The following ZMYND8 variants were observed in gnomAD, a reference collection of about 807,000 sequenced individuals.
The protein encoded by ZMYND8 is zinc finger MYND-type containing 8.
Under a neutral mutation model 140.8 loss-of-function variants are expected in ZMYND8, and 37 were observed. The ratio of observed to expected loss-of-function variants is 0.26; its 90% CI spans 0.20 to 0.35. The LOEUF (loss-of-function observed/expected upper bound fraction) is 0.35. Among genes scored for constraint, ZMYND8 ranks in the 10% least tolerant of loss-of-function variants. ZMYND8 has a pLI of 1.00. For synonymous variants in ZMYND8, 592 were observed against 597.1 expected (o/e 0.99, Z 0.12); for missense variants, 1,068 against 1,570.0 (o/e 0.68, Z 5.40).
intron 12 of ZMYND8, among the ~76,000 whole-genome samples, chr20:47,256,243 G>T (rs1235763830): frequency 6.6e-6 from 1 of 152,042 alleles, no homozygotes; most frequent in Non-Finnish European, 1.5e-5. Context: ...ACTTTGGGAG[G>T]CTGAGGCAGG....
rs2078811009 is a variant in ZMYND8, at chr20:47,310,122, G to C, written c.168C>G (p.Asp56Glu). The part of the protein sequence containing the change: ...PHSSNGHSPQ[D>E]TSTSPIKKKK... ...TCTTTTTAATGGGGCTTGTTGATGT[G>C]TCCTGCGGCGAGTGGCCATTGGAAG... The change falls in exon 3 of 23, where the codon GAC becomes GAG. Residue 56 changes from aspartate to glutamate, a missense_variant. Transcript: ENST00000471951. 6.2e-7 allele frequency: 1 copy of C among 1,613,892 alleles called. No individual in the cohort carries two copies. Among genetic ancestry groups the C allele is most frequent in the Non-Finnish European group, 8.5e-7 (1 of 1,180,034 alleles).
At position 47,276,398 on chromosome 20, in the gene ZMYND8, C is replaced by T. The variant is rs370790149; in HGVS notation, c.1396G>A (p.Val466Met). Reference sequence around the variant, plus strand: ...GCCTTCTTCTCAGCATCCTGCTCCACGTCGGAGCCCGTGTGCACAGAAGAG... The same window carrying T: ...GCCTTCTTCTCAGCATCCTGCTCCATGTCGGAGCCCGTGTGCACAGAAGAG... ...TNSSVHTGSD[V>M]EQDAEKKATS... The change falls in exon 11 of 23, where the codon GTG (valine) becomes ATG (methionine). Residue 466 changes from valine (V) to methionine (M), a missense_variant. Val to Met is a conservative substitution (Grantham distance 21). This residue lies in a region of ZMYND8 where 173 missense variants were observed against 223.3 expected (regional missense o/e 0.77). Transcript: ENST00000471951. 23 of 1,610,594 alleles carry T rather than the reference C, an allele frequency of 1.4e-5. No individual in the cohort carries two copies. Among genetic ancestry groups the T allele is most frequent in the South Asian group, 2.2e-5 (2 of 91,028 alleles).
intron 19 of ZMYND8, among the ~76,000 whole-genome samples, chr20:47,223,823 T>C (rs1363173252): frequency 6.8e-6 from 1 of 146,874 alleles, no homozygotes; most frequent in Non-Finnish European, 1.5e-5. Context: ...CGAAACTCTG[T>C]CTCAAAAAAA....
At chr20:47,268,370 T>A (rs1276511501) in intron 11 of ZMYND8, among the ~76,000 whole-genome samples, 2 of 146,486 alleles carry the variant, frequency 1.4e-5, no homozygotes, top group Admixed American at 1.4e-4. Flanking sequence ...CTCGGCTCAC[T>A]GCAGGCTCCG....
At chr20:47,315,371 G>A (rs2079297984) in intron 2 of ZMYND8, among the ~76,000 whole-genome samples, 1 of 152,188 alleles carries the variant, frequency 6.6e-6, no homozygotes, top group Non-Finnish European at 1.5e-5. Context: ...TTCAGTGACT[G>A]TATCCAAGGG....
chr20:47,240,034 TGA>T (rs2039750568), intron 14 of ZMYND8, among the ~76,000 whole-genome samples: 1 of 149,812 alleles, frequency 6.7e-6, no homozygotes, highest in African/African-American at 2.5e-5. Flanking sequence ...GTCAGGATTT[TGA>T]GACCAGCCTG....
chr20:47,221,181 A>C, intron 20 of ZMYND8, 133 bp downstream of exon 20: 1 of 1,257,918 alleles, frequency 7.9e-7, no homozygotes, highest in Non-Finnish European at 1.1e-6. Context: ...CCACACATCC[A>C]CTGGAAATGC....
At chr20:47,327,011 AG>A (rs1301776655) in intron 2 of ZMYND8, among the ~76,000 whole-genome samples, 1 of 152,062 alleles carries the variant, frequency 6.6e-6, no homozygotes, top group Non-Finnish European at 1.5e-5. Context: ...GAGTTACGGG[AG>A]GGTCATTAAG....
At chr20:47,259,229 T>C (rs1383298559) in intron 12 of ZMYND8, among the ~76,000 whole-genome samples, 1 of 152,062 alleles carries the variant, frequency 6.6e-6, no homozygotes, top group Non-Finnish European at 1.5e-5. Context: ...AAGGAGGGTG[T>C]GAGAAAGCAA....
intron 1 of ZMYND8, chr20:47,348,256 T>C (rs2082493941): frequency 2.8e-6 from 1 of 354,070 alleles, no homozygotes; most frequent in Non-Finnish European, 5.4e-6. Context: ...ATAAACAAGC[T>C]TCTCATTGTT....
chr20:47,285,787 C>T (rs1010698144), intron 8 of ZMYND8: 2 of 984,828 alleles, frequency 2.0e-6, no homozygotes, highest in African/African-American at 3.5e-5. Context: ...TAATACTATA[C>T]AGCCATGAAA....
At chr20:47,344,447 T>C (rs1244146338) in intron 2 of ZMYND8, among the ~76,000 whole-genome samples, 3 of 152,076 alleles carry the variant, frequency 2.0e-5, no homozygotes, top group African/African-American at 7.2e-5. Context: ...ATCTACAAAA[T>C]ACCCGACCAG....
At chr20:47,240,721 A>AT (rs891515905) in intron 14 of ZMYND8, among the ~76,000 whole-genome samples, 15 of 150,096 alleles carry the variant, frequency 1.0e-4, no homozygotes, top group African/African-American at 2.9e-4. Context: ...CACCCAGCTA[A>AT]TTTTTTTTAT....
intron 2 of ZMYND8, among the ~76,000 whole-genome samples, chr20:47,338,308 C>A (rs1369376598): frequency 6.6e-6 from 1 of 152,122 alleles, no homozygotes; most frequent in Non-Finnish European, 1.5e-5. Context: ...GTGGGAGCAG[C>A]TTCACACCAA....
chr20:47,323,187 G>A (rs1219487893), intron 2 of ZMYND8, among the ~76,000 whole-genome samples: 2 of 152,142 alleles, frequency 1.3e-5, no homozygotes, highest in Non-Finnish European at 2.9e-5. Flanking sequence ...GGGGAAGAGG[G>A]GGCCAGGGCA....
intron 21 of ZMYND8, among the ~76,000 whole-genome samples, chr20:47,216,963 G>A (rs985536010): frequency 6.6e-6 from 1 of 152,246 alleles, no homozygotes. Flanking sequence ...TTGTGTTCTT[G>A]TGTAACATTC....
intron 7 of ZMYND8, among the ~76,000 whole-genome samples, chr20:47,288,486 T>C (rs2077058696): frequency 6.7e-6 from 1 of 149,474 alleles, no homozygotes. Flanking sequence ...CTCTGCCTCC[T>C]GGGTTGAAGC....
chr20:47,328,138 G>T (rs750248315), intron 2 of ZMYND8, among the ~76,000 whole-genome samples: 4 of 152,174 alleles, frequency 2.6e-5, no homozygotes, highest in Non-Finnish European at 5.9e-5. Flanking sequence ...AACTTGAAAG[G>T]CCCTTAAAGG....
At chr20:47,349,847 C>CA (rs5841687) in intron 1 of ZMYND8, 51 of 1,533,334 alleles carry the variant, frequency 3.3e-5, no homozygotes, top group Admixed American at 1.6e-4. Context: ...AGAACTGAGC[C>CA]AAAAAAAACC....
Sources: gnomAD v4.1 joint callset for allele counts (sites outside exome capture counted in the v4.1 genomes callset) on GRCh38, gnomAD v4.1.1 for gene constraint, gnomAD v4.1.1 regional missense constraint, MANE v1.5 for transcripts, NCBI Gene and HGNC (gene_info 2026-07-23, HGNC 2026-07-21) for gene names.